MNAT1: variants seen among roughly 807,000 people sequenced by gnomAD.
The protein encoded by MNAT1 is CDK-activating kinase assembly factor MAT1.
Under a neutral mutation model 42.0 loss-of-function variants are expected in MNAT1, and 43 were observed. The observed-to-expected ratio is 1.02, with a 90% CI of 0.80 to 1.32. The LOEUF is 1.32. Among genes scored for constraint, MNAT1 ranks in the 40% most tolerant of loss-of-function variants. MNAT1 has a pLI of 0.00. For missense variants in MNAT1, 306 were observed against 350.4 expected (o/e 0.87, Z 1.01); for synonymous variants, 118 against 120.0 (o/e 0.98, Z 0.11).
intron 6 of MNAT1, among the ~76,000 whole-genome samples, chr14:60,872,871 T>C (rs12588140): frequency 0.79 from 101,185 of 128,762 alleles, 39,371 homozygotes; most frequent in Non-Finnish European, 0.89. Context: ...CACACACACA[T>C]ATATATATGC....
intron 7 of MNAT1, among the ~76,000 whole-genome samples, chr14:60,882,435 AAT>A (rs1271821296): frequency 7.9e-5 from 12 of 152,310 alleles, no homozygotes; most frequent in African/African-American, 2.4e-4. Flanking sequence ...ATGGCTGAAT[AAT>A]ACTCCACTGT....
chr14:60,926,259 C>A (rs946751136), intron 7 of MNAT1, among the ~76,000 whole-genome samples: 2 of 152,196 alleles, frequency 1.3e-5, no homozygotes, highest in African/African-American at 2.4e-5. Flanking sequence ...GGTTTTCCCC[C>A]CACACACCAA....
At chr14:60,753,251 C>A (rs1290271908) in intron 1 of MNAT1, among the ~76,000 whole-genome samples, 1 of 152,138 alleles carries the variant, frequency 6.6e-6, no homozygotes, top group Non-Finnish European at 1.5e-5. Flanking sequence ...CATTTGAAGG[C>A]TTGACTGGAG....
intron 6 of MNAT1, among the ~76,000 whole-genome samples, chr14:60,832,549 G>C (rs537401529): frequency 2.0e-5 from 3 of 152,028 alleles, no homozygotes; most frequent in Non-Finnish European, 2.9e-5. Flanking sequence ...ATCTGTTTTG[G>C]TACCAGTACC....
At chr14:60,891,460 T>G (rs184440971) in intron 7 of MNAT1, among the ~76,000 whole-genome samples, 1 of 152,254 alleles carries the variant, frequency 6.6e-6, no homozygotes, top group Admixed American at 6.5e-5. Context: ...TTGTTTGTTT[T>G]TTTTTTGAGA....
At chr14:60,737,309 A>G (rs910058902) in intron 1 of MNAT1, among the ~76,000 whole-genome samples, 1 of 152,140 alleles carries the variant, frequency 6.6e-6, no homozygotes, top group African/African-American at 2.4e-5. Context: ...GATATTTTCT[A>G]TGCATATACA....
At chr14:60,927,560 A>T (rs1209344816) in intron 7 of MNAT1, among the ~76,000 whole-genome samples, 1 of 151,912 alleles carries the variant, frequency 6.6e-6, no homozygotes, top group African/African-American at 2.4e-5. Context: ...GGAGTTTAAT[A>T]CTCTGTGGTT....
intron 7 of MNAT1, among the ~76,000 whole-genome samples, chr14:60,903,758 C>T (rs978318103): frequency 1.3e-5 from 2 of 151,040 alleles, no homozygotes; most frequent in East Asian, 3.9e-4. Context: ...TCTTTACCTT[C>T]GTCTTTACCT....
At chr14:60,748,738 G>T (rs1483359921) in intron 1 of MNAT1, among the ~76,000 whole-genome samples, 1 of 152,012 alleles carries the variant, frequency 6.6e-6, no homozygotes, top group Non-Finnish European at 1.5e-5. Context: ...CCTTCTTCTA[G>T]AATACTTCCG....
At chr14:60,962,490 A>C (rs1000553944) in intron 7 of MNAT1, among the ~76,000 whole-genome samples, 1 of 152,174 alleles carries the variant, frequency 6.6e-6, no homozygotes, top group African/African-American at 2.4e-5. Context: ...TATTATACTT[A>C]AGTAGCTATA....
At chr14:60,780,121 A>T in intron 1 of MNAT1, 1 of 1,479,770 alleles carries the variant, frequency 6.8e-7, no homozygotes, top group East Asian at 2.3e-5. Flanking sequence ...GAGTGCAGAA[A>T]TACGGACTCA....
intron 7 of MNAT1, among the ~76,000 whole-genome samples, chr14:60,899,266 TATCA>T (rs2035026044): frequency 6.6e-6 from 1 of 152,220 alleles, no homozygotes; most frequent in African/African-American, 2.4e-5. Flanking sequence ...AGTTCTGTAC[TATCA>T]ATCAGCAAAC....
At chr14:60,903,446 C>G (rs2035114807) in intron 7 of MNAT1, among the ~76,000 whole-genome samples, 1 of 152,036 alleles carries the variant, frequency 6.6e-6, no homozygotes, top group Non-Finnish European at 1.5e-5. Flanking sequence ...ATAATTGAGG[C>G]AATCTATAAT....
intron 7 of MNAT1, among the ~76,000 whole-genome samples, chr14:60,891,702 C>T (rs1594840706): frequency 1.3e-5 from 2 of 152,174 alleles, no homozygotes; most frequent in African/African-American, 2.4e-5. Flanking sequence ...ATCTGCCCAC[C>T]TTGGCCTCCC....
chr14:60,931,787 C>T (rs1254413312), intron 7 of MNAT1, among the ~76,000 whole-genome samples: 1 of 151,386 alleles, frequency 6.6e-6, no homozygotes, highest in African/African-American at 2.4e-5. Flanking sequence ...TATCTATAAC[C>T]TTTGACACTC....
intron 6 of MNAT1, among the ~76,000 whole-genome samples, chr14:60,850,844 T>G (rs2033805397): frequency 6.6e-6 from 1 of 152,158 alleles, no homozygotes; most frequent in African/African-American, 2.4e-5. Flanking sequence ...TAAACATTTC[T>G]TAAATCTGGA....
chr14:60,803,668 G>C (rs2032279469), intron 3 of MNAT1, among the ~76,000 whole-genome samples: 1 of 152,168 alleles, frequency 6.6e-6, no homozygotes, highest in South Asian at 2.1e-4. Flanking sequence ...ATAGGTAGAA[G>C]GGTGCTGTTG....
intron 7 of MNAT1, among the ~76,000 whole-genome samples, chr14:60,901,720 G>A (rs1031584838): frequency 6.6e-6 from 1 of 152,162 alleles, no homozygotes; most frequent in Non-Finnish European, 1.5e-5. Context: ...GGTGAAAATA[G>A]CAAGAAAACT....
At chr14:60,918,060 T>G (rs1594871443) in intron 7 of MNAT1, among the ~76,000 whole-genome samples, 1 of 152,104 alleles carries the variant, frequency 6.6e-6, no homozygotes, top group Non-Finnish European at 1.5e-5. Flanking sequence ...TTGATCAAAA[T>G]TTAAAACCTT....
Sources: allele counts gnomAD v4.1 joint callset (sites outside exome capture counted in the v4.1 genomes callset), GRCh38; gene constraint gnomAD v4.1.1; transcripts MANE v1.5; gene names NCBI Gene and HGNC (gene_info 2026-07-23, HGNC 2026-07-21).